The following ITPR2 variants were observed in gnomAD, a reference collection of about 807,000 sequenced individuals.
ITPR2 encodes inositol 1,4,5-trisphosphate receptor type 2.
ITPR2 carries 207 observed loss-of-function variants against 317.1 expected under a neutral mutation model. That is an observed-to-expected ratio of 0.65 (90% CI 0.58 to 0.73). The LOEUF (loss-of-function observed/expected upper bound fraction) is 0.73, where lower values mean the gene tolerates loss of function less well. Among genes scored for constraint, ITPR2 ranks in the 30% least tolerant of loss-of-function variants. ITPR2 has a pLI of 0.00. For missense variants in ITPR2, 2,613 were observed against 3,284.0 expected (o/e 0.80, Z 4.99); for synonymous variants, 1,156 against 1,149.1 (o/e 1.01, Z -0.12).
intron 47 of ITPR2, among the ~76,000 whole-genome samples, chr12:26,438,427 G>T (rs1941410593): frequency 6.6e-6 from 1 of 152,044 alleles, no homozygotes; most frequent in Non-Finnish European, 1.5e-5. Flanking sequence ...GACTGAAAAA[G>T]ACCTACTCAA....
At chr12:26,380,679 T>C (rs1429624166) in intron 55 of ITPR2, among the ~76,000 whole-genome samples, 4 of 152,226 alleles carry the variant, frequency 2.6e-5, no homozygotes, top group Admixed American at 2.6e-4. Flanking sequence ...TTCATAATTA[T>C]GACACATAAC....
intron 34 of ITPR2, among the ~76,000 whole-genome samples, chr12:26,572,101 A>T (rs1022819940): frequency 3.3e-5 from 5 of 152,162 alleles, no homozygotes; most frequent in Admixed American, 1.3e-4. Flanking sequence ...GTTCTGTTTA[A>T]TATTAAAAAT....
In ITPR2 at chr12:26,520,917, T is replaced by C. The variant is rs562432710; in HGVS notation, c.5074-25657A>G. On this transcript the variant is annotated intron_variant, in intron 37 of 56. Transcript: ENST00000381340. ...AAATTATAGCAGAACAAGTCAGGAATCAAGTAGAATTAGTTTATGTAAGGA... is the reference window on the plus strand; with the variant it reads ...AAATTATAGCAGAACAAGTCAGGAACCAAGTAGAATTAGTTTATGTAAGGA... Among the ~76,000 whole-genome samples, 5 of 152,334 alleles carry C rather than the reference T, an allele frequency of 3.3e-5. No homozygotes were observed. In the South Asian group the frequency reaches 1.0e-3, roughly 32 times the overall value.
chr12:26,773,840 T>G (rs1013243689), intron 2 of ITPR2, among the ~76,000 whole-genome samples: 1 of 152,184 alleles, frequency 6.6e-6, no homozygotes, highest in African/African-American at 2.4e-5. Context: ...CTCTGAAACC[T>G]CATGGAGGAG....
intron 7 of ITPR2, 115 bp downstream of exon 7, chr12:26,715,635 CAT>C: frequency 1.3e-6 from 1 of 771,066 alleles, no homozygotes; most frequent in Non-Finnish European, 2.1e-6. Flanking sequence ...TAAGTATTAA[CAT>C]GTGTAGTCAC....
intron 54 of ITPR2, among the ~76,000 whole-genome samples, chr12:26,389,474 C>T (rs1939767507): frequency 6.7e-6 from 1 of 149,756 alleles, no homozygotes. Flanking sequence ...CATGCAACCA[C>T]ACTGGCCTCT....
At chr12:26,446,269 AT>A (rs1941608075) in intron 45 of ITPR2, among the ~76,000 whole-genome samples, 1 of 152,078 alleles carries the variant, frequency 6.6e-6, no homozygotes, top group Non-Finnish European at 1.5e-5. Context: ...CAGGAACCAT[AT>A]TTGTGTGTTT....
intron 54 of ITPR2, among the ~76,000 whole-genome samples, chr12:26,391,715 C>T (rs1438745680): frequency 6.6e-6 from 1 of 151,714 alleles, no homozygotes; most frequent in African/African-American, 2.4e-5. Context: ...CAGGAATGTG[C>T]CACCACGCCC....
At chr12:26,444,676 G>A (rs979223352) in intron 45 of ITPR2, among the ~76,000 whole-genome samples, 2 of 151,970 alleles carry the variant, frequency 1.3e-5, no homozygotes, top group South Asian at 2.1e-4. Context: ...TCGACATTAC[G>A]GAGCAATAAG....
chr12:26,687,261 T>C (rs771302616), intron 10 of ITPR2, among the ~76,000 whole-genome samples: 41 of 152,180 alleles, frequency 2.7e-4, no homozygotes, highest in East Asian at 5.8e-4. Context: ...AAGAGATTAA[T>C]GAGTATGTGT....
At chr12:26,454,019 A>AATGG (rs941186026) in intron 45 of ITPR2, among the ~76,000 whole-genome samples, 43 of 151,950 alleles carry the variant, frequency 2.8e-4, no homozygotes, top group African/African-American at 7.2e-4. Flanking sequence ...TGGATGGGTG[A>AATGG]ATGGATGGAT....
At chr12:26,808,184 G>A (rs1950670760) in intron 1 of ITPR2, among the ~76,000 whole-genome samples, 2 of 152,172 alleles carry the variant, frequency 1.3e-5, no homozygotes, top group South Asian at 4.1e-4. Flanking sequence ...GAGAAGCCAA[G>A]AAAGAGAGGC....
rs80161222 is a variant in ITPR2, at chr12:26,483,809, G to T, written c.5901C>A (p.Thr1967=). The T allele has an allele frequency of 1.9e-6, 3 of 1,613,896 alleles. No homozygotes were observed. The East Asian group carries it at 6.7e-5, about 36-fold the overall frequency. The change falls in exon 42 of 57, where the codon ACC becomes ACA. Residue 1967 remains threonine, a synonymous_variant. Coordinates refer to ENST00000381340, the MANE Select transcript of ITPR2 (RefSeq NM_002223.4). Reference sequence around the variant, plus strand: ...AGAGACCCAACAGGCCCAGGCCACCGGTTGTACTTCCACAAATGCAGTCCA... The same window carrying T: ...AGAGACCCAACAGGCCCAGGCCACCTGTTGTACTTCCACAAATGCAGTCCA... ...QFLDCICGST[T]GGLGLLGLYI...
chr12:26,378,699 C>T (rs528232660), intron 55 of ITPR2, among the ~76,000 whole-genome samples: 10 of 152,200 alleles, frequency 6.6e-5, no homozygotes, highest in South Asian at 2.1e-4. Flanking sequence ...ATCAGTGCCT[C>T]ATGCATAGTT....
chr12:26,599,980 T>C lies in ITPR2; in HGVS notation c.3801+7A>G, dbSNP rs766322353. On this transcript the variant is annotated splice_region_variant and intron_variant, in intron 29 of 56. Coordinates refer to ENST00000381340, the MANE Select transcript of ITPR2 (RefSeq NM_002223.4). ...CTAGAAATACTAGAAGCCACTAAAA[T>C]ACTTACACCTGGAGTTAAAAACAAA... 1 of 1,593,796 alleles carries C rather than the reference T, an allele frequency of 6.3e-7. No individual in the cohort carries two copies. The highest frequency in any genetic ancestry group is 8.6e-7 in the Non-Finnish European group (1 of 1,163,402).
chr12:26,768,746 G>T (rs1949787277), intron 2 of ITPR2, among the ~76,000 whole-genome samples: 1 of 151,908 alleles, frequency 6.6e-6, no homozygotes, highest in African/African-American at 2.4e-5. Context: ...TAACTGTGAG[G>T]CTTCCTACAA....
intron 2 of ITPR2, among the ~76,000 whole-genome samples, chr12:26,735,058 T>C (rs1405573986): frequency 7.5e-6 from 1 of 133,048 alleles, no homozygotes; most frequent in African/African-American, 2.8e-5. Flanking sequence ...CAGAGTGCAA[T>C]GGCACGATCT....
chr12:26,568,029 TATAA>T (rs1452139384), intron 34 of ITPR2, among the ~76,000 whole-genome samples: 8 of 130,378 alleles, frequency 6.1e-5, no homozygotes, highest in South Asian at 2.3e-4. Flanking sequence ...TATATATATA[TATAA>T]AATGTCAAAA....
chr12:26,786,793 T>C (rs751767138), intron 2 of ITPR2, among the ~76,000 whole-genome samples: 14 of 152,226 alleles, frequency 9.2e-5, no homozygotes, highest in Non-Finnish European at 1.5e-4. Context: ...ACCATGAGTA[T>C]GAAAAACAAA....
Sources: allele counts gnomAD v4.1 joint callset (sites outside exome capture counted in the v4.1 genomes callset), GRCh38; gene constraint gnomAD v4.1.1; transcripts MANE v1.5; gene names NCBI Gene and HGNC (gene_info 2026-07-23, HGNC 2026-07-21).